Variants in PTPRJ observed in about 807,000 individuals in gnomAD.
PTPRJ encodes receptor-type tyrosine-protein phosphatase eta.
In PTPRJ, 129 loss-of-function variants were observed where a neutral mutation model predicts 141.3. The ratio of observed to expected loss-of-function variants is 0.91; its 90% CI spans 0.79 to 1.06. The LOEUF is 1.06. Among genes scored for constraint, PTPRJ ranks in the 50% least tolerant of loss-of-function variants. The pLI is 0.00. For synonymous variants in PTPRJ, 610 were observed against 640.5 expected, an observed-to-expected ratio of 0.95 and a Z score of 0.72; for missense variants, 1,601 against 1,679.7, an observed-to-expected ratio of 0.95 and a Z score of 0.82.
rs769070636 is a variant in PTPRJ at position 48,136,281 on chromosome 11, A to T, written c.1858A>T (p.Thr620Ser). The change falls in exon 9 of 25, where the codon ACT becomes TCT. Residue 620 changes from threonine (T) to serine (S), a missense_variant. By Grantham distance (58) the Thr-to-Ser change is moderately conservative. Coordinates refer to ENST00000418331, the MANE Select transcript of PTPRJ (RefSeq NM_002843.4). ...CCACGTCTGGGGGGACCCCAACTCC[A>T]CTGCACAGTACACACGTAAGTCTCT... ...VDHVWGDPNS[T>S]AQYTRPSNVS... is the part of the protein sequence containing the mutation. The T allele has an allele frequency of 1.2e-6, 2 of 1,614,078 alleles. No individual in the cohort carries two copies. The highest frequency in any genetic ancestry group is 4.5e-5 in the East Asian group (2 of 44,880).
At chr11:48,107,750 C>A (rs1856330826) in intron 1 of PTPRJ, among the ~76,000 whole-genome samples, 1 of 152,174 alleles carries the variant, frequency 6.6e-6, no homozygotes, top group African/African-American at 2.4e-5. Context: ...CTCTGGGCCT[C>A]CGTGCCCTCT....
chr11:48,040,564 C>T (rs1854247731), intron 1 of PTPRJ, among the ~76,000 whole-genome samples: 3 of 151,896 alleles, frequency 2.0e-5, no homozygotes, highest in South Asian at 4.1e-4. Context: ...GGACAGGTGA[C>T]TGCTCACCTC....
At chr11:48,035,595 A>T (rs1854105639) in intron 1 of PTPRJ, among the ~76,000 whole-genome samples, 2 of 118,844 alleles carry the variant, frequency 1.7e-5, no homozygotes, top group East Asian at 4.6e-4. Flanking sequence ...CTTGTGTCTC[A>T]ATTGAGTCTT....
intron 1 of PTPRJ, among the ~76,000 whole-genome samples, chr11:48,020,723 G>T (rs1316993387): frequency 6.6e-6 from 1 of 152,204 alleles, no homozygotes; most frequent in African/African-American, 2.4e-5. Flanking sequence ...GCTTCTGGAA[G>T]TATCACGGAC....
chr11:48,016,497 G>A (rs1042519431), intron 1 of PTPRJ, among the ~76,000 whole-genome samples: 3 of 152,232 alleles, frequency 2.0e-5, no homozygotes, highest in Non-Finnish European at 2.9e-5. Flanking sequence ...TACCTTCTGC[G>A]GGAGAAAAGG....
intron 6 of PTPRJ, among the ~76,000 whole-genome samples, chr11:48,127,570 G>T (rs1329868801): frequency 6.6e-6 from 1 of 152,142 alleles, no homozygotes; most frequent in East Asian, 1.9e-4. Context: ...AACCCTGCAG[G>T]TGCCATTGGC....
chr11:48,136,946 C>T (rs569911447), intron 9 of PTPRJ, 57 bp from the exon 10 acceptor site: 509 of 1,466,164 alleles, frequency 3.5e-4, no homozygotes, highest in Admixed American at 4.5e-4. Context: ...AGTAAATAGT[C>T]CTGGAATTCT....
intron 1 of PTPRJ, among the ~76,000 whole-genome samples, chr11:48,092,673 A>G (rs1297900258): frequency 6.6e-6 from 1 of 152,066 alleles, no homozygotes; most frequent in Non-Finnish European, 1.5e-5. Context: ...CAGGTGATCC[A>G]CCCACCTCAG....
chr11:48,093,760 A>G (rs1220316944), intron 1 of PTPRJ, among the ~76,000 whole-genome samples: 1 of 151,974 alleles, frequency 6.6e-6, no homozygotes. Flanking sequence ...GGTTTCTTAT[A>G]AAATGTAATT....
intron 21 of PTPRJ, among the ~76,000 whole-genome samples, chr11:48,156,423 T>C (rs1028944812): frequency 1.3e-5 from 2 of 152,170 alleles, no homozygotes; most frequent in African/African-American, 4.8e-5. Context: ...CTGTTCACGG[T>C]GTGGCTCTGT....
intron 15 of PTPRJ, among the ~76,000 whole-genome samples, chr11:48,147,910 G>A (rs1019445555): frequency 1.3e-5 from 2 of 151,722 alleles, no homozygotes; most frequent in Non-Finnish European, 2.9e-5. Context: ...ACAGTGGCAT[G>A]ATCTCAGCTC....
chr11:48,135,927 C>A, intron 8 of PTPRJ, 112 bp from the exon 9 acceptor site: 1 of 1,263,606 alleles, frequency 7.9e-7, no homozygotes, highest in Non-Finnish European at 1.1e-6. Flanking sequence ...CTTTTGTGAA[C>A]TCATTAGAAA....
At chr11:48,130,936 G>A (rs1056196900) in intron 8 of PTPRJ, among the ~76,000 whole-genome samples, 2 of 150,218 alleles carry the variant, frequency 1.3e-5, no homozygotes, top group Non-Finnish European at 3.0e-5. Flanking sequence ...CACTTTTGAT[G>A]TATGACATTT....
At chr11:48,084,516 G>T (rs921237996) in intron 1 of PTPRJ, among the ~76,000 whole-genome samples, 6 of 152,266 alleles carry the variant, frequency 3.9e-5, no homozygotes, top group African/African-American at 1.4e-4. Context: ...TCCCCAATCA[G>T]GTTTGATTAT....
At chr11:48,108,381 G>A (rs1039086008) in intron 1 of PTPRJ, among the ~76,000 whole-genome samples, 6 of 152,168 alleles carry the variant, frequency 3.9e-5, no homozygotes, top group Non-Finnish European at 8.8e-5. Context: ...CTACCTGCCC[G>A]CAGTTACATG....
chr11:48,045,070 T>C (rs1245740253), intron 1 of PTPRJ, among the ~76,000 whole-genome samples: 1 of 152,212 alleles, frequency 6.6e-6, no homozygotes, highest in Non-Finnish European at 1.5e-5. Context: ...CAGTTCCTCT[T>C]TTCCCCCGTA....
rs143897534 is a variant in PTPRJ, at chr11:48,163,563, G to A, written c.3664G>A (p.Val1222Ile). ...TDLLINFRYL[V>I]RDYMKQSPPE... Reference sequence around the variant, plus strand: ...CCTGCTCATCAACTTCCGGTACCTCGTTCGTGACTACATGAAGCAGAGTCC... The same window carrying A: ...CCTGCTCATCAACTTCCGGTACCTCATTCGTGACTACATGAAGCAGAGTCC... Residue 1222 changes from valine to isoleucine, a missense_variant, in exon 23 of 25, where the codon GTT (valine) becomes ATT (isoleucine). By Grantham distance (29) the Val-to-Ile change is conservative. Transcript: ENST00000418331. The A allele has an allele frequency of 4.4e-4, 710 of 1,613,954 alleles. 19 individuals are homozygous for A. In the South Asian group the frequency reaches 6.0e-3, roughly 14 times the overall value.
chr11:48,046,889 CATATAT>C (rs1243672838), intron 1 of PTPRJ, among the ~76,000 whole-genome samples: 11 of 76,908 alleles, frequency 1.4e-4, no homozygotes, highest in East Asian at 3.3e-4. Context: ...AATATGTTTA[CATATAT>C]ATATATATAT....
intron 1 of PTPRJ, among the ~76,000 whole-genome samples, chr11:48,037,688 C>G (rs1448528681): frequency 1.3e-5 from 2 of 152,124 alleles, no homozygotes; most frequent in Non-Finnish European, 2.9e-5. Context: ...TGATGGGCAT[C>G]TGTAATCCCA....
Sources: gnomAD v4.1 joint callset for allele counts (sites outside exome capture counted in the v4.1 genomes callset) on GRCh38, gnomAD v4.1.1 for gene constraint, MANE v1.5 for transcripts, NCBI Gene and HGNC (gene_info 2026-07-23, HGNC 2026-07-21) for gene names.